The following ERBB4 variants were observed in gnomAD, a reference collection of about 807,000 sequenced individuals.
ERBB4 encodes the protein erb-b2 receptor tyrosine kinase 4.
In ERBB4, 42 loss-of-function variants were observed where a neutral mutation model predicts 158.0. The ratio of observed to expected loss-of-function variants is 0.27; its 90% CI spans 0.21 to 0.34. ERBB4 has a LOEUF of 0.34. Ranked by LOEUF, ERBB4 falls within the 10% of genes least tolerant of loss-of-function variation. ERBB4 has a pLI of 1.00. For synonymous variants in ERBB4, 583 were observed against 558.7 expected (o/e 1.04, Z -0.61); for missense variants, 1,333 against 1,624.1 (o/e 0.82, Z 3.08).
At chr2:212,478,610 T>C (rs1206970311) in intron 1 of ERBB4, among the ~76,000 whole-genome samples, 1 of 152,048 alleles carries the variant, frequency 6.6e-6, no homozygotes, top group African/African-American at 2.4e-5. Flanking sequence ...AGGTTCCCAT[T>C]GTCCTGAAAG....
chr2:211,737,991 T>A (rs1351161756), intron 5 of ERBB4, among the ~76,000 whole-genome samples: 2 of 152,088 alleles, frequency 1.3e-5, no homozygotes, highest in Non-Finnish European at 1.5e-5. Context: ...TGCTGTAATA[T>A]ATACTATGGA....
At chr2:211,992,972 T>C (rs1001724959) in intron 2 of ERBB4, among the ~76,000 whole-genome samples, 1 of 152,138 alleles carries the variant, frequency 6.6e-6, no homozygotes, top group Admixed American at 6.6e-5. Context: ...AATAACCCAA[T>C]CAACTACCTG....
intron 2 of ERBB4, among the ~76,000 whole-genome samples, chr2:212,072,514 G>C (rs1216661846): frequency 6.6e-6 from 1 of 151,932 alleles, no homozygotes; most frequent in Admixed American, 6.6e-5. Flanking sequence ...AAAGACAGAG[G>C]GGACAGCTCT....
At chr2:212,123,598 T>C (rs950353374) in intron 2 of ERBB4, among the ~76,000 whole-genome samples, 2 of 152,080 alleles carry the variant, frequency 1.3e-5, no homozygotes, top group African/African-American at 4.8e-5. Context: ...AATAAGGAAA[T>C]ACCTTCAGTT....
intron 3 of ERBB4, among the ~76,000 whole-genome samples, chr2:211,916,199 A>G (rs1417773281): frequency 1.3e-5 from 2 of 152,028 alleles, no homozygotes; most frequent in Non-Finnish European, 2.9e-5. Flanking sequence ...ATTTATTTTG[A>G]GACAGAGTCT....
At chr2:211,498,751 T>C (rs2065538710) in intron 20 of ERBB4, among the ~76,000 whole-genome samples, 1 of 152,122 alleles carries the variant, frequency 6.6e-6, no homozygotes, top group South Asian at 2.1e-4. Flanking sequence ...ACCATTACAA[T>C]TGACAAAGAG....
intron 13 of ERBB4, among the ~76,000 whole-genome samples, chr2:211,678,317 AC>A (rs1247029324): frequency 1.4e-3 from 26 of 18,052 alleles, no homozygotes; most frequent in African/African-American, 2.6e-3. Context: ...AAACAAACAA[AC>A]AAAAAAAAAA....
At chr2:212,474,567 G>C (rs371891897) in intron 1 of ERBB4, among the ~76,000 whole-genome samples, 48 of 152,128 alleles carry the variant, frequency 3.2e-4, no homozygotes, top group African/African-American at 1.2e-3. Flanking sequence ...TGTATTAAAG[G>C]CTTCTATGAA....
chr2:211,663,413 T>C (rs1456772576), intron 15 of ERBB4, among the ~76,000 whole-genome samples: 1 of 152,216 alleles, frequency 6.6e-6, no homozygotes, highest in Non-Finnish European at 1.5e-5. Context: ...AACTTAATTC[T>C]GCGGCTGCAA....
intron 1 of ERBB4, among the ~76,000 whole-genome samples, chr2:212,390,876 G>A (rs2090834068): frequency 6.6e-6 from 1 of 151,784 alleles, no homozygotes; most frequent in Non-Finnish European, 1.5e-5. Context: ...ATATAGCACA[G>A]TTTTATTGTG....
intron 3 of ERBB4, among the ~76,000 whole-genome samples, chr2:211,815,169 C>A (rs1002611235): frequency 6.6e-6 from 1 of 152,086 alleles, no homozygotes. Flanking sequence ...TACATTTCAA[C>A]GCAAAGCAAT....
chr2:211,803,250 CATTTTCAATAG>C (rs1389507290), intron 3 of ERBB4, among the ~76,000 whole-genome samples: 1 of 152,142 alleles, frequency 6.6e-6, no homozygotes, highest in Non-Finnish European at 1.5e-5. Context: ...CATTATTATT[CATTTTCAATAG>C]ATTTTAAAAG....
intron 25 of ERBB4, among the ~76,000 whole-genome samples, chr2:211,405,127 C>T (rs1197811056): frequency 6.6e-6 from 1 of 151,838 alleles, no homozygotes; most frequent in Non-Finnish European, 1.5e-5. Context: ...TAGAATAAAC[C>T]AAGAGGTTAA....
At chr2:211,847,008 A>C (rs1200407873) in intron 3 of ERBB4, among the ~76,000 whole-genome samples, 2 of 152,178 alleles carry the variant, frequency 1.3e-5, no homozygotes, top group Non-Finnish European at 2.9e-5. Flanking sequence ...AGACATATGG[A>C]AGTTAAGTGA....
intron 2 of ERBB4, among the ~76,000 whole-genome samples, chr2:212,021,838 A>G (rs2076658621): frequency 6.6e-6 from 1 of 152,130 alleles, no homozygotes; most frequent in African/African-American, 2.4e-5. Flanking sequence ...TACAAGAAAA[A>G]AAAACATTAA....
At chr2:211,977,232 AC>A (rs2125219752) in intron 2 of ERBB4, among the ~76,000 whole-genome samples, 1 of 152,174 alleles carries the variant, frequency 6.6e-6, no homozygotes, top group South Asian at 2.1e-4. Context: ...CATGATTTGC[AC>A]CCTCAACACA....
chr2:211,884,275 A>G (rs994275524), intron 3 of ERBB4, among the ~76,000 whole-genome samples: 1 of 151,678 alleles, frequency 6.6e-6, no homozygotes, highest in African/African-American at 2.4e-5. Flanking sequence ...CTACTCACCA[A>G]TTCCTCTTCT....
chr2:211,909,416 A>C (rs764262154), intron 3 of ERBB4, among the ~76,000 whole-genome samples: 1 of 151,820 alleles, frequency 6.6e-6, no homozygotes. Context: ...AACATCGTAA[A>C]GTACACTGTA....
In ERBB4 at chr2:211,383,759, C is replaced by T. The variant is rs2125309314; in HGVS notation, c.3783G>A (p.Glu1261=). Reference sequence around the variant, plus strand: ...GTTTATAAAAATATTTTGTGCTGTACTCCTGCAGGTAGTCTGGGTGCTGAA... The same window carrying T: ...GTTTATAAAAATATTTTGTGCTGTATTCCTGCAGGTAGTCTGGGTGCTGAA... The part of the protein sequence containing the change: ...STLQHPDYLQ[E]YSTKYFYKQN... The change falls in exon 28 of 28, where the codon GAG becomes GAA. Residue 1261 remains glutamate (E), a synonymous_variant. Transcript: ENST00000342788. 14 of 1,614,118 alleles carry T rather than the reference C, an allele frequency of 8.7e-6. No individual in the cohort carries two copies. Among genetic ancestry groups the T allele is most frequent in the Non-Finnish European group, 1.2e-5 (14 of 1,180,014 alleles).
Sources: allele counts gnomAD v4.1 joint callset (sites outside exome capture counted in the v4.1 genomes callset), GRCh38; gene constraint gnomAD v4.1.1; transcripts MANE v1.5; gene names NCBI Gene and HGNC (gene_info 2026-07-23, HGNC 2026-07-21).